MID1: variants seen among roughly 807,000 people sequenced by gnomAD.
MID1 encodes E3 ubiquitin-protein ligase Midline-1.
In MID1, 7 loss-of-function variants were observed where a neutral mutation model predicts 40.4. The observed-to-expected ratio is 0.17, with a 90% CI of 0.10 to 0.33. The LOEUF (loss-of-function observed/expected upper bound fraction) is 0.33. Ranked by LOEUF, MID1 falls within the 10% of genes least tolerant of loss-of-function variation. MID1 has a pLI of 1.00. For synonymous variants in MID1, 229 were observed against 221.2 expected (o/e 1.04, Z -0.31); for missense variants, 367 against 558.5 (o/e 0.66, Z 3.46).
intron 1 of MID1, among the ~76,000 whole-genome samples, chrX:10,647,612 C>A (rs1214839847): frequency 1.8e-5 from 2 of 111,690 alleles, no homozygotes; most frequent in Non-Finnish European, 3.8e-5. Flanking sequence ...GCTCACAGTG[C>A]CACAAATAAG....
chrX:10,642,314 CA>C (rs1245154704), intron 1 of MID1, among the ~76,000 whole-genome samples: 1 of 111,305 alleles, frequency 9.0e-6, no homozygotes, highest in Non-Finnish European at 1.9e-5. Flanking sequence ...GCAACTTCAG[CA>C]AAGTCTCAGG....
At chrX:10,798,599 G>A (rs1294981559) in intron 1 of MID1, among the ~76,000 whole-genome samples, 1 of 111,650 alleles carries the variant, frequency 9.0e-6, no homozygotes, top group Non-Finnish European at 1.9e-5. Context: ...AAAAATTCTG[G>A]GCTGTGAAGT....
At chrX:10,522,015 A>AT (rs2147367549) in intron 3 of MID1, among the ~76,000 whole-genome samples, 1 of 110,703 alleles carries the variant, frequency 9.0e-6, no homozygotes, top group African/African-American at 3.3e-5. Context: ...AATTTTTTGT[A>AT]TTTTTTAATA....
At chrX:10,457,110 A>ATGAT (rs200735149) in intron 8 of MID1, among the ~76,000 whole-genome samples, 3,964 of 112,124 alleles carry the variant, frequency 0.035, 102 homozygotes, top group South Asian at 0.22. Flanking sequence ...TGGATTAAAA[A>ATGAT]TGATTGATAG....
intron 1 of MID1, among the ~76,000 whole-genome samples, chrX:10,760,278 C>T (rs754329789): frequency 9.0e-6 from 1 of 111,459 alleles, no homozygotes; most frequent in African/African-American, 3.3e-5. Flanking sequence ...ATACTGCTCA[C>T]GTTTCTCTTT....
At chrX:10,673,714 C>T (rs771582097) in intron 1 of MID1, among the ~76,000 whole-genome samples, 1 of 110,366 alleles carries the variant, frequency 9.1e-6, no homozygotes, top group South Asian at 3.9e-4. Context: ...TAGAAGTGTG[C>T]TAAAAAGTGC....
At chrX:10,738,113 A>G (rs897700681) in intron 1 of MID1, among the ~76,000 whole-genome samples, 5 of 111,688 alleles carry the variant, frequency 4.5e-5, no homozygotes, top group Non-Finnish European at 9.4e-5. Context: ...CCAGGCTCAG[A>G]CAGTTAGCGG....
At chrX:10,636,817 T>TATATAC (rs1204232884) in intron 1 of MID1, among the ~76,000 whole-genome samples, 2 of 86,026 alleles carry the variant, frequency 2.3e-5, no homozygotes, top group African/African-American at 8.4e-5. Flanking sequence ...TATATATATA[T>TATATAC]ACACCACTGG....
intron 1 of MID1, among the ~76,000 whole-genome samples, chrX:10,796,881 C>T (rs1026879299): frequency 1.4e-4 from 15 of 111,055 alleles, no homozygotes; most frequent in African/African-American, 3.9e-4. Flanking sequence ...GTTGACATTA[C>T]GAACTTAGTT....
chrX:10,751,451 G>A (rs1041570902), intron 1 of MID1, among the ~76,000 whole-genome samples: 3 of 109,938 alleles, frequency 2.7e-5, no homozygotes, highest in Non-Finnish European at 5.7e-5. Context: ...ACCAGCCTGG[G>A]CAACATGACA....
chrX:10,610,058 G>C (rs1207480381), intron 1 of MID1, among the ~76,000 whole-genome samples: 1 of 111,948 alleles, frequency 8.9e-6, no homozygotes, highest in Non-Finnish European at 1.9e-5. Flanking sequence ...AGCAGACATT[G>C]CACAAGAAAT....
chrX:10,788,626 C>T (rs2043904670), intron 1 of MID1, among the ~76,000 whole-genome samples: 1 of 110,726 alleles, frequency 9.0e-6, no homozygotes. Context: ...TACTGTGCCA[C>T]CCAGGGATTT....
At chrX:10,548,862 C>G (rs1051880821) in intron 2 of MID1, among the ~76,000 whole-genome samples, 1 of 112,098 alleles carries the variant, frequency 8.9e-6, no homozygotes, top group African/African-American at 3.2e-5. Flanking sequence ...CAAATTTACT[C>G]AGATGTATTC....
chrX:10,690,299 C>T (rs563944426), intron 1 of MID1, among the ~76,000 whole-genome samples: 9 of 111,884 alleles, frequency 8.0e-5, no homozygotes, highest in African/African-American at 2.9e-4. Flanking sequence ...TATTACAATT[C>T]AATTCAGCCT....
intron 8 of MID1, 66 bp downstream of exon 8, chrX:10,459,580 G>T (rs1928897759): frequency 8.9e-7 from 1 of 1,117,535 alleles, no homozygotes; most frequent in African/African-American, 1.8e-5. Flanking sequence ...AAAAGAAAGG[G>T]GGACAGAGTC....
At chrX:10,831,635 A>T (rs1193571799) in intron 1 of MID1, among the ~76,000 whole-genome samples, 1 of 111,595 alleles carries the variant, frequency 9.0e-6, no homozygotes, top group Non-Finnish European at 1.9e-5. Flanking sequence ...TACCATAAAC[A>T]ATATTATTAC....
At chrX:10,830,932 A>G (rs1472693685) in intron 1 of MID1, among the ~76,000 whole-genome samples, 2 of 112,146 alleles carry the variant, frequency 1.8e-5, no homozygotes, top group African/African-American at 3.2e-5. Flanking sequence ...AAGTTAATAC[A>G]GTGTTGGGGT....
chrX:10,482,541 G>T lies in MID1; in HGVS notation c.952C>A (p.His318Asn). 1 of 1,210,571 alleles carries T rather than the reference G, an allele frequency of 8.3e-7. No homozygotes were observed. ...RSASLISQAE[H>N]SLKENDHARF... ...GCATGATCATTCTCCTTCAGAGAGT[G>T]TTCCGCTTGGGAGATGAGTGATGCT... The change falls in exon 5 of 10, where the codon CAC becomes AAC. Residue 318 changes from histidine to asparagine, a missense_variant. This residue lies in a region of MID1 where 275 missense variants were observed against 383.1 expected (regional missense o/e 0.72). Transcript: ENST00000317552.
chrX:10,477,096 C>T (rs1418849945), intron 5 of MID1, among the ~76,000 whole-genome samples: 5 of 112,192 alleles, frequency 4.5e-5, no homozygotes, highest in African/African-American at 9.7e-5. Context: ...TAAAAGATAT[C>T]GCAAAGTGAA....
Sources: gnomAD v4.1 joint callset for allele counts (sites outside exome capture counted in the v4.1 genomes callset) on GRCh38, gnomAD v4.1.1 for gene constraint, gnomAD v4.1.1 regional missense constraint, MANE v1.5 for transcripts, NCBI Gene and HGNC (gene_info 2026-07-23, HGNC 2026-07-21) for gene names.